KIF5C: variants seen among roughly 807,000 people sequenced by gnomAD.
KIF5C encodes the protein kinesin heavy chain isoform 5C.
A neutral mutation model predicts 125.2 loss-of-function variants in KIF5C; 18 were observed. The ratio of observed to expected loss-of-function variants is 0.14; its 90% CI spans 0.10 to 0.21. The LOEUF (loss-of-function observed/expected upper bound fraction) is 0.21. Ranked by LOEUF, KIF5C falls within the 10% of genes least tolerant of loss-of-function variation. The probability of loss-of-function intolerance (pLI) is 1.00; values close to 1 mark genes in which losing one functional copy is unlikely to be tolerated. For missense variants in KIF5C, 780 were observed against 1,183.8 expected, an observed-to-expected ratio of 0.66 and a Z score of 5.01; for synonymous variants, 405 against 434.0, an observed-to-expected ratio of 0.93 and a Z score of 0.83.
chr2:149,021,083 GACTGAGTCTC>G (rs1258611839), intron 25 of KIF5C, among the ~76,000 whole-genome samples: 3 of 152,074 alleles, frequency 2.0e-5, no homozygotes, highest in African/African-American at 7.2e-5. Context: ...GTTTTTTTGA[GACTGAGTCTC>G]ACTCTGTCAC....
At chr2:148,877,600 C>CTA (rs1328445295) in intron 1 of KIF5C, among the ~76,000 whole-genome samples, 1 of 152,246 alleles carries the variant, frequency 6.6e-6, no homozygotes, top group Non-Finnish European at 1.5e-5. Flanking sequence ...CTGGGGACAT[C>CTA]TAGTCCCTGC....
chr2:148,988,054 T>G (rs1681428266), intron 15 of KIF5C, among the ~76,000 whole-genome samples: 1 of 152,030 alleles, frequency 6.6e-6, no homozygotes, highest in Non-Finnish European at 1.5e-5. Context: ...TCTTTTCTCC[T>G]GGGTTGGTCA....
intron 3 of KIF5C, among the ~76,000 whole-genome samples, chr2:148,933,506 C>T (rs1682220953): frequency 6.6e-6 from 1 of 151,596 alleles, no homozygotes; most frequent in Non-Finnish European, 1.5e-5. Flanking sequence ...CGCACATATA[C>T]ACACAGACAC....
Position 148,994,514 on chromosome 2 carries a change from G to C in KIF5C, c.1999G>C (p.Glu667Gln). 6.4e-7 allele frequency: 1 copy of C among 1,567,684 alleles called. No individual in the cohort carries two copies. Among genetic ancestry groups the C allele is most frequent in the Non-Finnish European group, 8.6e-7 (1 of 1,156,284 alleles). The part of the protein sequence containing the change: ...LEESQDSLSE[E>Q]LAKLRAQEKM... ...AGAGTCCCAGGACTCGCTCAGCGAA[G>C]AGCTGGCAAAGCTCCGAGCCCAGGG... is the stretch of plus-strand genomic sequence containing the variant. Residue 667 changes from glutamate to glutamine, a missense_variant, in exon 17 of 26, where the codon GAG becomes CAG. Physicochemically the swap from Glu to Gln is conservative, Grantham distance 29 (BLOSUM62 2). Around this residue, in one of 2 missense-constraint regions of KIF5C, gnomAD observed 573 missense variants for 742.6 expected, o/e 0.77. Transcript: ENST00000435030.
intron 1 of KIF5C, among the ~76,000 whole-genome samples, chr2:148,889,634 C>A (rs1681649634): frequency 6.6e-6 from 1 of 152,246 alleles, no homozygotes; most frequent in African/African-American, 2.4e-5. Flanking sequence ...CCATGGGGAT[C>A]CGTTTCACTT....
intron 1 of KIF5C, among the ~76,000 whole-genome samples, chr2:148,916,700 G>C (rs1681566758): frequency 6.6e-6 from 1 of 151,914 alleles, no homozygotes; most frequent in Non-Finnish European, 1.5e-5. Context: ...TTTGTTCATT[G>C]GACTAATTAA....
chr2:148,933,828 C>T (rs1182673929), intron 3 of KIF5C, among the ~76,000 whole-genome samples: 1 of 150,610 alleles, frequency 6.6e-6, no homozygotes, highest in African/African-American at 2.4e-5. Flanking sequence ...ATATGCACAC[C>T]AAACACATGT....
At chr2:148,906,228 T>C (rs143015616) in intron 1 of KIF5C, among the ~76,000 whole-genome samples, 1 of 152,222 alleles carries the variant, frequency 6.6e-6, no homozygotes, top group Non-Finnish European at 1.5e-5. Flanking sequence ...ATTCGTGATG[T>C]CTAAATAATT....
chr2:148,950,542 C>T, intron 10 of KIF5C, 80 bp downstream of exon 10: 2 of 1,501,254 alleles, frequency 1.3e-6, no homozygotes, highest in South Asian at 1.3e-5. Context: ...GGTGCAATGG[C>T]TCACACCTGT....
chr2:148,896,817 T>G (rs1183197716), intron 1 of KIF5C, among the ~76,000 whole-genome samples: 2 of 121,940 alleles, frequency 1.6e-5, no homozygotes, highest in African/African-American at 5.2e-5. Context: ...GAGATCATGA[T>G]CCTTCCTCTC....
intron 5 of KIF5C, 53 bp from the exon 6 acceptor site, chr2:148,941,882 G>C: frequency 6.3e-7 from 1 of 1,586,602 alleles, no homozygotes; most frequent in Non-Finnish European, 8.5e-7. Context: ...CTCCAATATA[G>C]AGTCTTTAAC....
rs1375955971 is a variant in KIF5C, at chr2:148,947,257, C to A, written c.714+234C>A. 3 of 537,884 alleles carry A rather than the reference C, an allele frequency of 5.6e-6. No homozygotes were observed. In the East Asian group the frequency reaches 1.0e-4, roughly 19 times the overall value. The allele number at this position is 537,884 out of a possible 1,614,324, so 33.3% of individuals were successfully genotyped here. ...TTTGCATGCCAACTCTGATTTATCC[C>A]TGATGGGCCCTTATGATGATATGAG... On this transcript the variant is annotated intron_variant, in intron 8 of 25. Transcript: ENST00000435030.
intron 2 of KIF5C, among the ~76,000 whole-genome samples, chr2:148,927,549 C>T (rs1574757747): frequency 6.6e-6 from 1 of 151,868 alleles, no homozygotes; most frequent in Non-Finnish European, 1.5e-5. Flanking sequence ...ATGGTAATTT[C>T]GAATAAATGG....
At chr2:148,935,941 T>C (rs539237170) in intron 3 of KIF5C, among the ~76,000 whole-genome samples, 3 of 152,208 alleles carry the variant, frequency 2.0e-5, no homozygotes, top group Non-Finnish European at 4.4e-5. Flanking sequence ...AGATTCTTAA[T>C]AGATAAGGGC....
chr2:149,010,260 G>T lies in KIF5C; in HGVS notation c.2676G>T (p.Arg892=). The T allele has an allele frequency of 6.3e-7, 1 of 1,592,542 alleles. No homozygotes were observed. The highest frequency in any genetic ancestry group is 2.3e-5 in the East Asian group (1 of 43,470). ...AGGAGGCCAAGGAGAACGCCATGCG[G>T]GACCGTAAGCGCTACCAGCAGGAGG... ...ALKEAKENAM[R]DRKRYQQEVD... The change falls in exon 24 of 26, where the codon CGG becomes CGT. Residue 892 remains arginine, a synonymous_variant. Transcript: ENST00000435030.
chr2:148,933,296 G>A (rs1039677505), intron 3 of KIF5C, among the ~76,000 whole-genome samples: 3 of 151,934 alleles, frequency 2.0e-5, no homozygotes, highest in Non-Finnish European at 4.4e-5. Context: ...TATAGCTCTC[G>A]GCTGTTATCC....
At chr2:148,905,825 G>A (rs924118479) in intron 1 of KIF5C, among the ~76,000 whole-genome samples, 1 of 152,140 alleles carries the variant, frequency 6.6e-6, no homozygotes, top group Non-Finnish European at 1.5e-5. Context: ...TGCATGGCTG[G>A]GGAGGCCTCG....
At chr2:148,983,898 A>G in intron 15 of KIF5C, 132 bp downstream of exon 15, 1 of 1,233,502 alleles carries the variant, frequency 8.1e-7, no homozygotes, top group Non-Finnish European at 1.0e-6. Flanking sequence ...TGTTTGAATG[A>G]ATGAAAAAAG....
intron 1 of KIF5C, among the ~76,000 whole-genome samples, chr2:148,904,465 T>G (rs1002648571): frequency 5.9e-5 from 9 of 152,196 alleles, no homozygotes; most frequent in African/African-American, 2.2e-4. Flanking sequence ...CGTGCTGCGT[T>G]TGGCATGTAA....
Sources: gnomAD v4.1 joint callset for allele counts (sites outside exome capture counted in the v4.1 genomes callset) on GRCh38, gnomAD v4.1.1 for gene constraint, gnomAD v4.1.1 regional missense constraint, MANE v1.5 for transcripts, NCBI Gene and HGNC (gene_info 2026-07-23, HGNC 2026-07-21) for gene names.